The following TSC1 variants were observed in gnomAD, a reference collection of about 807,000 sequenced individuals.
The protein encoded by TSC1 is hamartin.
In TSC1, 20 loss-of-function variants were observed where a neutral mutation model predicts 124.3. The observed-to-expected ratio is 0.16, with a 90% confidence interval of 0.11 to 0.23. The LOEUF (loss-of-function observed/expected upper bound fraction) is 0.23, where lower values mean the gene tolerates loss of function less well. Among genes scored for constraint, TSC1 ranks in the 10% least tolerant of loss-of-function variants. The pLI is 1.00. For missense variants in TSC1, 1,124 were observed against 1,448.5 expected, an observed-to-expected ratio of 0.78 and a Z score of 3.64; for synonymous variants, 493 against 539.1, an observed-to-expected ratio of 0.91 and a Z score of 1.19.
rs1210523479 is a variant in TSC1 at position 132,896,579 on chromosome 9, G to A, written c.3151C>T (p.Pro1051Ser). 1 of 1,613,924 alleles carries A rather than the reference G, an allele frequency of 6.2e-7. No homozygotes were observed. The highest frequency in any genetic ancestry group is 8.5e-7 in the Non-Finnish European group (1 of 1,179,944). The change falls in exon 23 of 23, where the codon CCC becomes TCC. Residue 1051 changes from proline (P) to serine (S), a missense_variant. Physicochemically the swap from Pro to Ser is moderately conservative, Grantham distance 74 (BLOSUM62 -1). Transcript: ENST00000298552. This position sits in a 1 kb window ranked among gnomAD's most constrained non-coding sequence, Gnocchi z 4.5. ...SSSELSTPEK[P>S]PHQRAGPFSS... The stretch of plus-strand genomic sequence containing the variant: ...AATGGGCCTGCCCTCTGGTGTGGGG[G>A]TTTCTCTGGGGTAGAAAGCTCGCTG...
At position 132,893,217 on chromosome 9, in the gene TSC1, C is replaced by G. The variant is rs543304631; in HGVS notation, c.*3018G>C. On this transcript the variant is annotated 3_prime_UTR_variant, in exon 23 of 23. Coordinates refer to ENST00000298552, the MANE Select transcript of TSC1 (RefSeq NM_000368.5). Reference sequence around the variant, plus strand: ...TCTCTCCTGAAAAACTCTGTGGACACACCTAGAGAGGTCACTGTCTGCCCA... The same window carrying G: ...TCTCTCCTGAAAAACTCTGTGGACAGACCTAGAGAGGTCACTGTCTGCCCA... 2.1e-4 allele frequency: 48 copies of G among 233,226 alleles called. No homozygotes were observed. Among genetic ancestry groups the G allele is most frequent in the Non-Finnish European group, 3.1e-4 (37 of 118,074 alleles). 14.4% of individuals were successfully genotyped at this position (233,226 alleles called of 1,614,324 possible). A position where few individuals can be genotyped will look rare whatever the true frequency, so the allele number is the denominator to read the frequency against.
Position 132,894,107 on chromosome 9 carries a change from G to A in TSC1, c.*2128C>T, listed in dbSNP as rs1844903576. The A allele has an allele frequency of 4.3e-6, 1 of 233,520 alleles. No individual in the cohort carries two copies. The highest frequency in any genetic ancestry group is 8.5e-6 in the Non-Finnish European group (1 of 118,032). 14.5% of individuals were successfully genotyped at this position (233,520 alleles called of 1,614,324 possible). On this transcript the variant is annotated 3_prime_UTR_variant, in exon 23 of 23. Coordinates refer to ENST00000298552, the MANE Select transcript of TSC1 (RefSeq NM_000368.5). Reference sequence around the variant, plus strand: ...TAAAGCTGAGTAAAAGGACACCCAGGCCGCATGGATGAGCTGAGGACCCTG... The same window carrying A: ...TAAAGCTGAGTAAAAGGACACCCAGACCGCATGGATGAGCTGAGGACCCTG...
In TSC1 at chr9:132,904,446, A is replaced by G. The variant is rs118203617; in HGVS notation, c.2006T>C (p.Leu669Ser). ...AHSKELNKLP[L>S]PSKSVDWTHF... ...GGTCCAGTCGACAGACTTGCTGGGT[A>G]AAGGCAACCTAGGAAGAAAGTTTTT... The change falls in exon 16 of 23, where the codon TTA (leucine) becomes TCA (serine). Residue 669 changes from leucine to serine, a missense_variant. Physicochemically the swap from Leu to Ser is moderately radical, Grantham distance 145. Around this residue, in one of 5 missense-constraint regions of TSC1, gnomAD observed 321 missense variants for 397.4 expected, o/e 0.81. Transcript: ENST00000298552. 8 of 1,614,030 alleles carry G rather than the reference A, an allele frequency of 5.0e-6. No individual in the cohort carries two copies. The highest frequency in any genetic ancestry group is 6.8e-6 in the Non-Finnish European group (8 of 1,179,982).
In TSC1 at chr9:132,891,427, G is replaced by T. The variant is rs1844766948; in HGVS notation, c.*4808C>A. 4.3e-6 allele frequency: 1 copy of T among 233,298 alleles called. No individual in the cohort carries two copies. Among genetic ancestry groups the T allele is most frequent in the African/African-American group, 2.2e-5 (1 of 45,318 alleles). The allele number at this position is 233,298 out of a possible 1,614,324, so 14.5% of individuals were successfully genotyped here. A position where few individuals can be genotyped will look rare whatever the true frequency, so the allele number is the denominator to read the frequency against. ...TTGACATTTTAGAACATTCTAAGAA[G>T]GACAGCAAACTCTTTTGATTCCAAT... On this transcript the variant is annotated 3_prime_UTR_variant, in exon 23 of 23. Transcript: ENST00000298552.
Position 132,928,866 on chromosome 9 carries a change from G to C in TSC1, c.7C>G (p.Gln3Glu). The change falls in exon 3 of 23, where the codon CAA becomes GAA. Residue 3 changes from glutamine to glutamate, a missense_variant. Physicochemically the swap from Gln to Glu is conservative, Grantham distance 29 (BLOSUM62 2). Transcript: ENST00000298552. MA[Q>E]QANVGELLAM... ...AGAAGCTCCCCGACATTTGCTTGTTGGGCCATTCTCTCGCTCGAAGGCGCT... is the reference window on the plus strand; with the variant it reads ...AGAAGCTCCCCGACATTTGCTTGTTCGGCCATTCTCTCGCTCGAAGGCGCT... The C allele has an allele frequency of 6.2e-7, 1 of 1,614,142 alleles. No homozygotes were observed. Among genetic ancestry groups the C allele is most frequent in the Non-Finnish European group, 8.5e-7 (1 of 1,180,020 alleles).
chr9:132,918,802 C>G (rs1057197684), intron 8 of TSC1, among the ~76,000 whole-genome samples: 7 of 152,164 alleles, frequency 4.6e-5, no homozygotes. Context: ...TCAAAGTCAA[C>G]AAGTCCCACC....
In TSC1 at chr9:132,902,572, G is replaced by C. The variant is rs373301436; in HGVS notation, c.2391+33C>G. On this transcript the variant is annotated intron_variant, in intron 18 of 22. Coordinates refer to ENST00000298552, the MANE Select transcript of TSC1 (RefSeq NM_000368.5). The surrounding 1 kb of genome is among the most constrained non-coding windows in gnomAD (Gnocchi z 5.2). Reference sequence around the variant, plus strand: ...CTCCCCACTGCTCTCCGGCATTCTCGCAGTTGGCTTTGCCTGGTGCTGCAG... The same window carrying C: ...CTCCCCACTGCTCTCCGGCATTCTCCCAGTTGGCTTTGCCTGGTGCTGCAG... 6.2e-6 allele frequency: 10 copies of C among 1,612,692 alleles called. No individual in the cohort carries two copies. The highest frequency in any genetic ancestry group is 1.7e-6 in the Non-Finnish European group (2 of 1,179,694).
intron 15 of TSC1, among the ~76,000 whole-genome samples, chr9:132,904,899 C>T (rs1003348333): frequency 1.3e-5 from 2 of 152,192 alleles, no homozygotes; most frequent in South Asian, 4.1e-4. Flanking sequence ...GGTAATTTAC[C>T]TAAGCCTATC....
At chr9:132,904,147 T>A (rs558260416) in intron 16 of TSC1, among the ~76,000 whole-genome samples, 15 of 152,278 alleles carry the variant, frequency 9.9e-5, no homozygotes, top group African/African-American at 2.9e-4. Context: ...GGAAGATGCT[T>A]CACTCTGGTC....
At chr9:132,911,171 G>T in intron 10 of TSC1, 58 bp from the exon 11 acceptor site, 1 of 1,383,990 alleles carries the variant, frequency 7.2e-7, no homozygotes, top group Non-Finnish European at 1.0e-6. Context: ...CATCCACGAG[G>T]TTTATATCCA....
In TSC1 at chr9:132,923,682, C is replaced by T. The variant is rs1331860502; in HGVS notation, c.364-190G>A. On this transcript the variant is annotated intron_variant, in intron 5 of 22. Coordinates refer to ENST00000298552, the MANE Select transcript of TSC1 (RefSeq NM_000368.5). This position sits in a 1 kb window ranked among gnomAD's most constrained non-coding sequence, Gnocchi z 4.2. Reference sequence around the variant, plus strand: ...AAACAGACTCAACAGAACACTGAGCCCCAACTCTACTGTAATGAGTCAGTG... The same window carrying T: ...AAACAGACTCAACAGAACACTGAGCTCCAACTCTACTGTAATGAGTCAGTG... 2 of 755,232 alleles carry T rather than the reference C, an allele frequency of 2.6e-6. No homozygotes were observed. Among genetic ancestry groups the T allele is most frequent in the African/African-American group, 3.5e-5 (2 of 57,596 alleles). 46.8% of individuals were successfully genotyped at this position (755,232 alleles called of 1,614,324 possible).
intron 2 of TSC1, among the ~76,000 whole-genome samples, chr9:132,932,392 C>T (rs1038397481): frequency 3.9e-5 from 6 of 152,192 alleles, no homozygotes; most frequent in African/African-American, 9.7e-5. Context: ...TCACCTCAGT[C>T]GAAGCCCGCA....
At chr9:132,907,141 T>C (rs1218680083) in intron 13 of TSC1, among the ~76,000 whole-genome samples, 160 bp downstream of exon 13, 2 of 152,232 alleles carry the variant, frequency 1.3e-5, no homozygotes, top group Non-Finnish European at 1.5e-5. Context: ...TTGATATTAT[T>C]AGGTTGGTGT....
Position 132,931,838 on chromosome 9 carries a change from C to T in TSC1, c.-80-2886G>A, listed in dbSNP as rs534332245. On this transcript the variant is annotated intron_variant, in intron 2 of 22. Transcript: ENST00000298552. Reference sequence around the variant, plus strand: ...AAAAAGACATGGTTCAATATGTGTACAAAAAAGGGGAAGAAACCAGCCCTA... The same window carrying T: ...AAAAAGACATGGTTCAATATGTGTATAAAAAAGGGGAAGAAACCAGCCCTA... Among the ~76,000 whole-genome samples, 3 of 152,138 alleles carry T rather than the reference C, an allele frequency of 2.0e-5. No homozygotes were observed. The South Asian group carries it at 6.2e-4, about 32-fold the overall frequency.
chr9:132,915,710 A>G (rs1243148798), intron 8 of TSC1, among the ~76,000 whole-genome samples: 1 of 152,224 alleles, frequency 6.6e-6, no homozygotes, highest in Admixed American at 6.5e-5. Flanking sequence ...TACCTTAACA[A>G]AGCATGTGAT....
chr9:132,911,359 G>C (rs1311515870), intron 10 of TSC1, 94 bp downstream of exon 10: 2 of 1,007,578 alleles, frequency 2.0e-6, no homozygotes, highest in Admixed American at 3.4e-5. Flanking sequence ...AATGAGCAGT[G>C]TGAAATTTTC....
Position 132,928,808 on chromosome 9 carries a change from C to T in TSC1, c.65G>A (p.Arg22Gln), listed in dbSNP as rs141736779. ...AMLDSPMLGV[R>Q]DDVTAVFKEN... ...TTTAAAGACAGCTGTCACGTCGTCC[C>T]GCACACCCAGCATGGGGGAGTCCAG... Residue 22 changes from arginine to glutamine, a missense_variant, in exon 3 of 23, where the codon CGG becomes CAG. Around this residue, in one of 5 missense-constraint regions of TSC1, gnomAD observed 463 missense variants for 606.8 expected, o/e 0.76. Transcript: ENST00000298552. 1.7e-5 allele frequency: 27 copies of T among 1,614,200 alleles called. No individual in the cohort carries two copies. The highest frequency in any genetic ancestry group is 1.3e-4 in the South Asian group (12 of 91,084).
At chr9:132,914,058 C>T (rs1186643901) in intron 8 of TSC1, among the ~76,000 whole-genome samples, 2 of 151,648 alleles carry the variant, frequency 1.3e-5, no homozygotes, top group Non-Finnish European at 2.9e-5. Flanking sequence ...GCCACCATCC[C>T]CAGCCAATTT....
intron 8 of TSC1, among the ~76,000 whole-genome samples, chr9:132,917,368 T>C (rs1846316924): frequency 6.6e-6 from 1 of 152,196 alleles, no homozygotes; most frequent in African/African-American, 2.4e-5. Context: ...TCTCGCTCTG[T>C]CACCCAGGCT....
Sources: gnomAD v4.1 joint callset for allele counts (sites outside exome capture counted in the v4.1 genomes callset) on GRCh38, gnomAD v4.1.1 for gene constraint, gnomAD v4.1.1 regional missense constraint, Gnocchi (gnomAD v3.1) non-coding constraint, MANE v1.5 for transcripts, NCBI Gene and HGNC (gene_info 2026-07-23, HGNC 2026-07-21) for gene names.